Variants in MTMR14 observed in about 807,000 individuals in gnomAD.
MTMR14 encodes the protein phosphatidylinositol-3,5-bisphosphate 3-phosphatase MTMR14.
In MTMR14, 48 loss-of-function variants were observed where a neutral mutation model predicts 86.3. The ratio of observed to expected loss-of-function variants is 0.56; its 90% confidence interval spans 0.44 to 0.71. MTMR14 has a LOEUF of 0.71. Among genes scored for constraint, MTMR14 ranks in the 30% least tolerant of loss-of-function variants. The pLI is 0.00. For synonymous variants in MTMR14, 366 were observed against 326.1 expected (o/e 1.12, Z -1.32); for missense variants, 780 against 834.6 (o/e 0.93, Z 0.81).
rs1575038409 is a variant in MTMR14, at chr3:9,683,311, T to C, written c.964+67T>C. The C allele has an allele frequency of 2.8e-6, 4 of 1,453,476 alleles. No homozygotes were observed. In the African/African-American group the frequency reaches 4.2e-5, roughly 15 times the overall value. 90.0% of individuals were successfully genotyped at this position (1,453,476 alleles called of 1,614,324 possible). A position where few individuals can be genotyped will look rare whatever the true frequency, so the allele number is the denominator to read the frequency against. Reference sequence around the variant, plus strand: ...TGGGGAGTTCCCAGTTCATTCTGCCTCAACTGTATGTTTGTTGGAGTTGCA... The same window carrying C: ...TGGGGAGTTCCCAGTTCATTCTGCCCCAACTGTATGTTTGTTGGAGTTGCA... On this transcript the variant is annotated intron_variant, in intron 10 of 18. Transcript: ENST00000296003.
chr3:9,681,942 C>T (rs968314096), intron 9 of MTMR14, among the ~76,000 whole-genome samples: 17 of 149,070 alleles, frequency 1.1e-4, no homozygotes, highest in South Asian at 6.3e-4. Flanking sequence ...AGCATCTCCT[C>T]CAGACAGCCG....
intron 1 of MTMR14, among the ~76,000 whole-genome samples, chr3:9,652,826 C>CT (rs2047379033): frequency 6.6e-6 from 1 of 152,000 alleles, no homozygotes; most frequent in South Asian, 2.1e-4. Context: ...CCCATCTCTA[C>CT]TAAAAATATG....
chr3:9,681,777 A>G (rs1392724713), intron 9 of MTMR14, among the ~76,000 whole-genome samples: 2 of 151,984 alleles, frequency 1.3e-5, no homozygotes, highest in African/African-American at 2.4e-5. Flanking sequence ...TAGGAAGAGT[A>G]CCTACAGTGA....
chr3:9,678,903 G>T (rs532720314), intron 9 of MTMR14, among the ~76,000 whole-genome samples: 1 of 152,310 alleles, frequency 6.6e-6, no homozygotes, highest in South Asian at 2.1e-4. Flanking sequence ...ACAGAAACAG[G>T]CACAGAGCCT....
chr3:9,671,215 CA>C, intron 6 of MTMR14, 45 bp downstream of exon 6: 1 of 1,613,404 alleles, frequency 6.2e-7, no homozygotes, highest in Middle Eastern at 1.7e-4. Flanking sequence ...GCAGTGTGTA[CA>C]GATTTGCAGG....
intron 4 of MTMR14, 33 bp downstream of exon 4, chr3:9,668,827 T>A: frequency 6.2e-7 from 1 of 1,609,452 alleles, no homozygotes; most frequent in South Asian, 1.1e-5. Context: ...TGATGTAGAA[T>A]GAGAACCCAG....
intron 3 of MTMR14, among the ~76,000 whole-genome samples, chr3:9,664,534 T>A (rs951288408): frequency 6.6e-6 from 1 of 152,104 alleles, no homozygotes; most frequent in Non-Finnish European, 1.5e-5. Context: ...AAAGAAAATA[T>A]GGTACATGTA....
intron 7 of MTMR14, among the ~76,000 whole-genome samples, chr3:9,676,677 C>T (rs1328851605): frequency 6.6e-6 from 1 of 151,642 alleles, no homozygotes; most frequent in East Asian, 1.9e-4. Context: ...TTGCCAAAGC[C>T]CTATTCTCTC....
Position 9,684,744 on chromosome 3 carries a change from C to G in MTMR14, c.1050+74C>G, listed in dbSNP as rs191384249. The G allele has an allele frequency of 2.3e-4, 355 of 1,562,910 alleles. No homozygotes were observed. In the African/African-American group the frequency reaches 3.9e-3, roughly 17 times the overall value. ...GATTGTCTCCAGACAGAGGGTGGAG[C>G]AGGGGATGCCATCGCTCAGAGCAGA... On this transcript the variant is annotated intron_variant, in intron 11 of 18. Coordinates refer to ENST00000296003, the MANE Select transcript of MTMR14 (RefSeq NM_001077525.3).
intron 17 of MTMR14, among the ~76,000 whole-genome samples, chr3:9,695,998 C>T (rs753865294): frequency 7.9e-5 from 12 of 152,160 alleles, no homozygotes; most frequent in Admixed American, 2.6e-4. Flanking sequence ...TAGGGGCTTC[C>T]GTCAGGTGAC....
At chr3:9,680,769 G>A (rs763228010) in intron 9 of MTMR14, among the ~76,000 whole-genome samples, 12 of 152,328 alleles carry the variant, frequency 7.9e-5, no homozygotes, top group South Asian at 2.1e-4. Context: ...CCCGGGAGGC[G>A]GAGCTTGCGG....
intron 2 of MTMR14, among the ~76,000 whole-genome samples, chr3:9,660,880 C>T (rs557054408): frequency 1.3e-5 from 2 of 152,296 alleles, no homozygotes; most frequent in East Asian, 3.9e-4. Context: ...CTCTAACTTT[C>T]CTGCCTCCTG....
chr3:9,682,620 C>G (rs760185115), intron 9 of MTMR14, among the ~76,000 whole-genome samples: 8 of 152,182 alleles, frequency 5.3e-5, no homozygotes, highest in Non-Finnish European at 1.0e-4. Flanking sequence ...AAAGACTTTC[C>G]CTGCCAGACA....
Position 9,688,709 on chromosome 3 carries a change from C to G in MTMR14, c.1249C>G (p.Pro417Ala), listed in dbSNP as rs764513098. The change falls in exon 15 of 19, where the codon CCA (proline) becomes GCA (alanine). Residue 417 changes from proline to alanine, a missense_variant. Physicochemically the swap from Pro to Ala is conservative, Grantham distance 27. Transcript: ENST00000296003. ...TTCCATTTCTAGGAGGAAGAGTTTG[C>G]CAGCCCGGGATGGAGGCTTCACCCT... is the stretch of plus-strand genomic sequence containing the variant. ...ALKTQRRKSL[P>A]ARDGGFTLED... 3.1e-6 allele frequency: 5 copies of G among 1,614,088 alleles called. No homozygotes were observed. In the African/African-American group the frequency reaches 6.7e-5, roughly 22 times the overall value.
Position 9,677,286 on chromosome 3 carries a change from G to A in MTMR14, c.752-31G>A. 1.9e-6 allele frequency: 3 copies of A among 1,606,928 alleles called. No individual in the cohort carries two copies. The highest frequency in any genetic ancestry group is 2.6e-6 in the Non-Finnish European group (3 of 1,173,602). On this transcript the variant is annotated intron_variant, in intron 7 of 18. Transcript: ENST00000296003. The surrounding 1 kb of genome is among the most constrained non-coding windows in gnomAD (Gnocchi z 4.2). The stretch of plus-strand genomic sequence containing the variant: ...CTCAGAAGACTTTGGGCTGGGAAGG[G>A]AGATGTCATAACTCTGCCCTTCTTT...
At chr3:9,665,050 A>G (rs1351146875) in intron 3 of MTMR14, among the ~76,000 whole-genome samples, 2 of 152,114 alleles carry the variant, frequency 1.3e-5, no homozygotes, top group Non-Finnish European at 2.9e-5. Context: ...TTGGGAGGCC[A>G]AGGCAGGCAG....
intron 7 of MTMR14, chr3:9,675,407 G>T: frequency 3.6e-6 from 1 of 276,598 alleles, no homozygotes; most frequent in Non-Finnish European, 7.4e-6. Context: ...GCACTTTGAT[G>T]CTATTTAAGG....
intron 11 of MTMR14, 73 bp from the exon 12 acceptor site, chr3:9,684,815 A>G (rs993490698): frequency 2.5e-6 from 4 of 1,573,358 alleles, no homozygotes; most frequent in South Asian, 1.1e-5. Flanking sequence ...CTGCGTTGTC[A>G]CTGGGTCTGG....
Position 9,701,673 on chromosome 3 carries a change from C to T in MTMR14, c.1770-117C>T. On this transcript the variant is annotated intron_variant, in intron 18 of 18. Transcript: ENST00000296003. This position sits in a 1 kb window ranked among gnomAD's most constrained non-coding sequence, Gnocchi z 4.2. ...GGATAGCATGGCCGTAGGACAGACA[C>T]TGGCCTTGTACAGTCAGAAGAAGCA... The T allele has an allele frequency of 8.1e-7, 1 of 1,227,034 alleles. No individual in the cohort carries two copies. Among genetic ancestry groups the T allele is most frequent in the Non-Finnish European group, 1.2e-6 (1 of 848,730 alleles). 76.0% of individuals were successfully genotyped at this position (1,227,034 alleles called of 1,614,324 possible).
Sources: gnomAD v4.1 joint callset for allele counts (sites outside exome capture counted in the v4.1 genomes callset) on GRCh38, gnomAD v4.1.1 for gene constraint, Gnocchi (gnomAD v3.1) non-coding constraint, MANE v1.5 for transcripts, NCBI Gene and HGNC (gene_info 2026-07-23, HGNC 2026-07-21) for gene names.